Variants in PDZD9 observed in about 807,000 individuals in gnomAD.
PDZD9 encodes PDZ domain containing 9, also known as PDZ domain-containing protein 9.
PDZD9 carries 13 observed loss-of-function variants against 16.3 expected under a neutral mutation model. That is an observed-to-expected ratio of 0.80 (90% CI 0.52 to 1.27). The LOEUF is 1.27. PDZD9 is among the 50% of genes most tolerant of loss of function. The pLI is 0.00. For synonymous variants in PDZD9, 120 were observed against 111.0 expected (o/e 1.08, Z -0.51); for missense variants, 288 against 310.9 (o/e 0.93, Z 0.55).
At chr16:21,983,118 T>G (rs763047238), downstream of PDZD9, 1 of 1,614,174 alleles carries the variant, frequency 6.2e-7, no homozygotes, top group Admixed American at 1.7e-5. Flanking sequence ...TGGCCAGAAG[T>G]CAATGGCAGC....
At chr16:21,977,605 C>G in the PDZD9 span, among the ~76,000 whole-genome samples, 1 of 152,170 alleles carries the variant, frequency 6.6e-6, no homozygotes, top group African/African-American at 2.4e-5. Context: ...ATTAGTAGTT[C>G]GAGGGTTTCT....
chr16:21,994,609 C>T (rs1016313861), intron 2 of PDZD9, among the ~76,000 whole-genome samples: 2 of 152,200 alleles, frequency 1.3e-5, no homozygotes, highest in Non-Finnish European at 1.5e-5. Flanking sequence ...GATTCCTTGT[C>T]TGCAAGGTGG....
At chr16:21,965,448 C>T in the PDZD9 span, 13 of 1,613,918 alleles carry the variant, frequency 8.1e-6, no homozygotes, top group East Asian at 2.9e-4. Context: ...ACCGGAATGC[C>T]TTGGCTAATC....
At chr16:21,962,773 G>A in the PDZD9 span, 8 of 1,613,934 alleles carry the variant, frequency 5.0e-6, no homozygotes, top group Non-Finnish European at 6.8e-6. Flanking sequence ...ATATTCTAAT[G>A]GAGTTCCTGC....
At chr16:21,994,753 T>C (rs1899103817) in intron 2 of PDZD9, among the ~76,000 whole-genome samples, 1 of 152,236 alleles carries the variant, frequency 6.6e-6, no homozygotes, top group African/African-American at 2.4e-5. Flanking sequence ...AGTAACATGG[T>C]CCCTGAATCC....
intron 1 of PDZD9, chr16:21,999,567 C>A (rs1321992375): frequency 6.6e-6 from 1 of 152,398 alleles, no homozygotes; most frequent in Non-Finnish European, 1.5e-5. Context: ...CACCTGCCTG[C>A]CTAGTTCAGC....
downstream of PDZD9, among the ~76,000 whole-genome samples, chr16:21,981,676 T>G (rs1597971366): frequency 6.6e-6 from 1 of 151,630 alleles, no homozygotes; most frequent in South Asian, 2.1e-4. Context: ...GGTGGGAAGG[T>G]GGCTTGAGCC....
chr16:21,987,688 A>G (rs144681328), intron 3 of PDZD9, among the ~76,000 whole-genome samples: 3 of 152,292 alleles, frequency 2.0e-5, no homozygotes, highest in East Asian at 1.9e-4. Flanking sequence ...TAGTGGGATC[A>G]GAAGTGTGAA....
downstream of PDZD9, among the ~76,000 whole-genome samples, chr16:21,981,102 A>C (rs1898715602): frequency 6.6e-6 from 1 of 152,196 alleles, no homozygotes; most frequent in Non-Finnish European, 1.5e-5. Context: ...GATCCAACCT[A>C]AATAGTGAAG....
chr16:22,000,796 C>G (rs1210690898), intron 1 of PDZD9, among the ~76,000 whole-genome samples: 1 of 151,406 alleles, frequency 6.6e-6, no homozygotes, highest in Non-Finnish European at 1.5e-5. Context: ...TGCACTCCAG[C>G]CTGGGGGACA....
chr16:21,995,275 C>G, intron 2 of PDZD9: 1 of 456,270 alleles, frequency 2.2e-6, no homozygotes, highest in Non-Finnish European at 4.4e-6. Flanking sequence ...TTGTAAGTTT[C>G]CTGAGGCCTC....
chr16:21,961,294 A>G, the PDZD9 span: 509 of 442,934 alleles, frequency 1.1e-3, 11 homozygotes, highest in Middle Eastern at 5.6e-3. Context: ...TATTCTTTAT[A>G]AAGACTGGAA....
chr16:21,968,491 G>T, the PDZD9 span: 1 of 613,588 alleles, frequency 1.6e-6, no homozygotes, highest in East Asian at 3.1e-5. Context: ...ATTCACCTCA[G>T]TTAGTACCTT....
chr16:21,958,663 T>G, the PDZD9 span: 1 of 1,429,450 alleles, frequency 7.0e-7, no homozygotes. Flanking sequence ...TAAGGGAACT[T>G]TTCTCTGTTA....
At chr16:21,990,781 C>G (rs571687254) in intron 2 of PDZD9, among the ~76,000 whole-genome samples, 1 of 152,274 alleles carries the variant, frequency 6.6e-6, no homozygotes, top group South Asian at 2.1e-4. Context: ...TGACTTTTAT[C>G]AAGAGGGCAG....
At chr16:22,000,349 T>C (rs1330234523) in intron 1 of PDZD9, among the ~76,000 whole-genome samples, 2 of 140,616 alleles carry the variant, frequency 1.4e-5, no homozygotes, top group Admixed American at 7.0e-5. Flanking sequence ...ATGTTCTCCA[T>C]GGAAAAGGCA....
At chr16:21,971,115 C>T in the PDZD9 span, among the ~76,000 whole-genome samples, 12 of 151,998 alleles carry the variant, frequency 7.9e-5, no homozygotes, top group African/African-American at 2.7e-4. Flanking sequence ...AACATGCTAG[C>T]GTCCATTAGG....
At chr16:21,979,779 A>C (rs1230357108), downstream of PDZD9, among the ~76,000 whole-genome samples, 1 of 152,178 alleles carries the variant, frequency 6.6e-6, no homozygotes, top group Non-Finnish European at 1.5e-5. Context: ...ATTGCACTAC[A>C]ACATTATGTT....
chr16:21,968,122 C>T, the PDZD9 span, among the ~76,000 whole-genome samples: 1 of 151,874 alleles, frequency 6.6e-6, no homozygotes, highest in South Asian at 2.1e-4. Flanking sequence ...GTGCCTCAGC[C>T]ACCCATGTAG....
Sources: allele counts gnomAD v4.1 joint callset (sites outside exome capture counted in the v4.1 genomes callset), GRCh38; gene constraint gnomAD v4.1.1; transcripts MANE v1.5; gene names NCBI Gene and HGNC (gene_info 2026-07-23, HGNC 2026-07-21).